KCNMA1: variants seen among roughly 807,000 people sequenced by gnomAD.
KCNMA1 encodes the protein potassium calcium-activated channel subfamily M alpha 1, also known as Calcium-activated potassium channel subunit alpha-1.
Under a neutral mutation model 140.0 loss-of-function variants are expected in KCNMA1, and 29 were observed. That is an observed-to-expected ratio of 0.21 (90% CI 0.15 to 0.28). KCNMA1 has a LOEUF of 0.28. KCNMA1 is among the 10% of genes least tolerant of loss of function. KCNMA1 has a pLI of 1.00. For synonymous variants in KCNMA1, 612 were observed against 611.9 expected (o/e 1.00, Z 0.00); for missense variants, 880 against 1,602.2 (o/e 0.55, Z 7.70).
chr10:76,900,611 A>G (rs978086357), intron 25 of KCNMA1, among the ~76,000 whole-genome samples: 18 of 152,166 alleles, frequency 1.2e-4, no homozygotes, highest in African/African-American at 4.1e-4. Flanking sequence ...AAACTGTTTA[A>G]TCTCAAGATG....
At chr10:77,178,283 A>C (rs1306444928) in intron 5 of KCNMA1, among the ~76,000 whole-genome samples, 1 of 152,196 alleles carries the variant, frequency 6.6e-6, no homozygotes, top group African/African-American at 2.4e-5. Flanking sequence ...GTGGCCCGGC[A>C]TGTGTTCCTC....
At chr10:77,581,554 C>G (rs1354159737) in intron 1 of KCNMA1, among the ~76,000 whole-genome samples, 1 of 152,228 alleles carries the variant, frequency 6.6e-6, no homozygotes, top group Non-Finnish European at 1.5e-5. Flanking sequence ...ATCCACCCAC[C>G]TCAGCCTCCC....
chr10:77,471,281 C>G (rs896673326), intron 1 of KCNMA1, among the ~76,000 whole-genome samples: 16 of 151,182 alleles, frequency 1.1e-4, no homozygotes, highest in Non-Finnish European at 2.4e-4. Context: ...CAATACACAC[C>G]ACACATGTAA....
At chr10:77,605,371 G>C (rs902996710) in intron 1 of KCNMA1, among the ~76,000 whole-genome samples, 1 of 152,238 alleles carries the variant, frequency 6.6e-6, no homozygotes, top group Non-Finnish European at 1.5e-5. Context: ...CGGCAAGTGG[G>C]ACGTGATTCC....
chr10:77,438,998 C>T (rs926485536), intron 1 of KCNMA1, among the ~76,000 whole-genome samples: 6 of 149,400 alleles, frequency 4.0e-5, no homozygotes, highest in African/African-American at 1.5e-4. Flanking sequence ...ATGACTTGAA[C>T]CCGGGAGGCC....
intron 5 of KCNMA1, among the ~76,000 whole-genome samples, chr10:77,138,117 A>AC (rs1564763246): frequency 6.6e-6 from 1 of 151,346 alleles, no homozygotes; most frequent in Non-Finnish European, 1.5e-5. Context: ...TGCTTCCACC[A>AC]CCCCTTGTGG....
In KCNMA1 at chr10:77,185,057, C is replaced by G. The variant is rs953214669; in HGVS notation, c.603-141G>C. 8.6e-6 allele frequency: 6 copies of G among 697,664 alleles called. No homozygotes were observed. The African/African-American group carries it at 8.8e-5, about 10-fold the overall frequency. The allele number at this position is 697,664 out of a possible 1,614,324, so 43.2% of individuals were successfully genotyped here. Reference sequence around the variant, plus strand: ...AAGAAAACATTTGGTCTTTCTGCCTCCTGGGATCATCAAGCAAGCATTGCC... The same window carrying G: ...AAGAAAACATTTGGTCTTTCTGCCTGCTGGGATCATCAAGCAAGCATTGCC... On this transcript the variant is annotated intron_variant, in intron 3 of 27. Coordinates refer to ENST00000286628, the MANE Select transcript of KCNMA1 (RefSeq NM_001161352.2).
intron 3 of KCNMA1, among the ~76,000 whole-genome samples, chr10:77,221,050 T>G (rs1301115821): frequency 6.6e-6 from 1 of 152,232 alleles, no homozygotes; most frequent in Non-Finnish European, 1.5e-5. Flanking sequence ...CCAATTAATT[T>G]TAACCTGAAA....
intron 3 of KCNMA1, among the ~76,000 whole-genome samples, chr10:77,191,284 T>C (rs2098936091): frequency 6.6e-6 from 1 of 152,172 alleles, no homozygotes; most frequent in Non-Finnish European, 1.5e-5. Flanking sequence ...AAATATTTTG[T>C]GAGCTAATAA....
intron 1 of KCNMA1, among the ~76,000 whole-genome samples, chr10:77,417,789 T>C (rs2096775137): frequency 6.6e-6 from 1 of 151,990 alleles, no homozygotes; most frequent in Non-Finnish European, 1.5e-5. Context: ...GCTGTCCCAA[T>C]TAGGTCGTCA....
chr10:77,129,693 A>T (rs542842964), intron 5 of KCNMA1, among the ~76,000 whole-genome samples: 2 of 152,042 alleles, frequency 1.3e-5, no homozygotes, highest in African/African-American at 2.4e-5. Context: ...AAAACCAATA[A>T]ATATGAAAAA....
intron 5 of KCNMA1, among the ~76,000 whole-genome samples, chr10:77,122,023 C>A (rs1353094032): frequency 6.6e-6 from 1 of 152,224 alleles, no homozygotes; most frequent in Non-Finnish European, 1.5e-5. Context: ...AAAGGCAGTG[C>A]GAAGCCCTCC....
At chr10:77,207,093 G>C (rs541248901) in intron 3 of KCNMA1, among the ~76,000 whole-genome samples, 2 of 151,932 alleles carry the variant, frequency 1.3e-5, no homozygotes, top group South Asian at 2.1e-4. Context: ...ACATATTTCC[G>C]CTTTCATTTG....
rs571840280 is a variant in KCNMA1, at chr10:77,295,428, T to G, written c.541-44172A>C. Among the ~76,000 whole-genome samples the G allele has an allele frequency of 3.3e-5, 5 of 152,056 alleles. No homozygotes were observed. The East Asian group carries it at 5.8e-4, about 18-fold the overall frequency. ...TTATACATAGACACGCATATATGTG[T>G]GCACATACGCTTGTATGTGCATAGA... On this transcript the variant is annotated intron_variant, in intron 2 of 27. Transcript: ENST00000286628.
intron 1 of KCNMA1, among the ~76,000 whole-genome samples, chr10:77,528,067 T>A (rs2056435821): frequency 6.6e-6 from 1 of 152,144 alleles, no homozygotes; most frequent in South Asian, 2.1e-4. Flanking sequence ...CTGCATCTCC[T>A]CATCTGAAAA....
At chr10:77,384,526 C>T (rs1200607431) in intron 2 of KCNMA1, among the ~76,000 whole-genome samples, 1 of 152,174 alleles carries the variant, frequency 6.6e-6, no homozygotes, top group Non-Finnish European at 1.5e-5. Context: ...GATGACGTAC[C>T]TTTACCATCC....
chr10:77,030,072 T>C (rs2093811706), intron 15 of KCNMA1, among the ~76,000 whole-genome samples: 1 of 152,170 alleles, frequency 6.6e-6, no homozygotes, highest in Non-Finnish European at 1.5e-5. Flanking sequence ...GTGAAACCAA[T>C]TGCTCATTCC....
chr10:77,312,828 T>C (rs1306681658), intron 2 of KCNMA1, among the ~76,000 whole-genome samples: 2 of 152,156 alleles, frequency 1.3e-5, no homozygotes. Flanking sequence ...TTGTTTCCAT[T>C]GTATGCATGA....
chr10:77,180,311 G>A (rs1333232939), intron 5 of KCNMA1, among the ~76,000 whole-genome samples: 1 of 152,132 alleles, frequency 6.6e-6, no homozygotes, highest in Non-Finnish European at 1.5e-5. Context: ...GAAGCTCATT[G>A]GTACAATGGT....
Sources: allele counts gnomAD v4.1 joint callset (sites outside exome capture counted in the v4.1 genomes callset), GRCh38; gene constraint gnomAD v4.1.1; transcripts MANE v1.5; gene names NCBI Gene and HGNC (gene_info 2026-07-23, HGNC 2026-07-21).